Variants in MGAT4C observed in about 807,000 individuals in gnomAD.
The protein encoded by MGAT4C is alpha-1,3-mannosyl-glycoprotein 4-beta-N-acetylglucosaminyltransferase C.
In MGAT4C, 19 loss-of-function variants were observed where a neutral mutation model predicts 40.1. That is an observed-to-expected ratio of 0.47 (90% CI 0.33 to 0.70). MGAT4C has a LOEUF of 0.70. MGAT4C is among the 30% of genes least tolerant of loss of function. The pLI, the probability that MGAT4C is intolerant of heterozygous loss-of-function variation, is 0.02. For synonymous variants in MGAT4C, 181 were observed against 187.1 expected (o/e 0.97, Z 0.27); for missense variants, 491 against 563.2 (o/e 0.87, Z 1.30).
intron 2 of MGAT4C, among the ~76,000 whole-genome samples, chr12:86,571,131 C>T (rs1960348445): frequency 2.0e-5 from 3 of 152,040 alleles, no homozygotes; most frequent in Non-Finnish European, 2.9e-5. Context: ...TAACTTTAAT[C>T]ACTCTTTCTT....
chr12:86,099,892 T>C (rs1874656165), intron 1 of MGAT4C, among the ~76,000 whole-genome samples: 1 of 151,488 alleles, frequency 6.6e-6, no homozygotes. Flanking sequence ...GATGTGTTCT[T>C]AATCTGATTT....
intron 1 of MGAT4C, among the ~76,000 whole-genome samples, chr12:86,232,223 ATTAT>A (rs1951353845): frequency 6.6e-6 from 1 of 152,172 alleles, no homozygotes; most frequent in Admixed American, 6.5e-5. Context: ...TCCCATTTTG[ATTAT>A]TTATGTGTAT....
intron 1 of MGAT4C, among the ~76,000 whole-genome samples, chr12:86,052,707 T>C (rs1215235724): frequency 6.6e-6 from 1 of 151,954 alleles, no homozygotes; most frequent in Non-Finnish European, 1.5e-5. Flanking sequence ...TTAAATCATG[T>C]ATTATTTTCC....
intron 2 of MGAT4C, among the ~76,000 whole-genome samples, chr12:86,568,261 G>A (rs1353469055): frequency 6.6e-6 from 1 of 152,078 alleles, no homozygotes; most frequent in Non-Finnish European, 1.5e-5. Flanking sequence ...AGCAGGTAGA[G>A]GAAGGTGGAA....
At chr12:86,180,426 A>C (rs1327792535) in intron 1 of MGAT4C, among the ~76,000 whole-genome samples, 2 of 152,108 alleles carry the variant, frequency 1.3e-5, no homozygotes, top group Non-Finnish European at 2.9e-5. Context: ...TATCCTTCAG[A>C]CCCTAGAGTG....
intron 1 of MGAT4C, among the ~76,000 whole-genome samples, chr12:86,129,497 G>A (rs1880846098): frequency 6.6e-6 from 1 of 151,140 alleles, no homozygotes; most frequent in African/African-American, 2.4e-5. Context: ...TCTTCCTCAC[G>A]GGGAACTGGG....
At chr12:86,442,396 GT>G (rs1957248872) in intron 2 of MGAT4C, among the ~76,000 whole-genome samples, 2 of 152,248 alleles carry the variant, frequency 1.3e-5, no homozygotes, top group East Asian at 1.9e-4. Flanking sequence ...CGCTTTTGGT[GT>G]TTTAGACATG....
At chr12:86,352,896 T>C (rs977367548) in intron 3 of MGAT4C, among the ~76,000 whole-genome samples, 2 of 151,724 alleles carry the variant, frequency 1.3e-5, no homozygotes, top group African/African-American at 4.8e-5. Flanking sequence ...AGGGGTAGCA[T>C]TAGGAGATAT....
chr12:86,603,152 G>A (rs1051673013), intron 2 of MGAT4C, among the ~76,000 whole-genome samples: 2 of 148,376 alleles, frequency 1.3e-5, no homozygotes, highest in South Asian at 2.1e-4. Flanking sequence ...AGTTTTAATC[G>A]GGCAGGATGA....
intron 3 of MGAT4C, among the ~76,000 whole-genome samples, chr12:86,391,637 T>A (rs1956161793): frequency 6.6e-6 from 1 of 152,096 alleles, no homozygotes; most frequent in South Asian, 2.1e-4. Context: ...GGCGGGCGGA[T>A]AACCAGGTCA....
At chr12:86,323,807 AT>A (rs1184327990) in intron 4 of MGAT4C, among the ~76,000 whole-genome samples, 1 of 151,918 alleles carries the variant, frequency 6.6e-6, no homozygotes, top group African/African-American at 2.4e-5. Context: ...GACAATTCCT[AT>A]TATCGCAATT....
At chr12:86,282,631 G>T (rs1953248866) in intron 4 of MGAT4C, among the ~76,000 whole-genome samples, 1 of 151,766 alleles carries the variant, frequency 6.6e-6, no homozygotes, top group Admixed American at 6.6e-5. Flanking sequence ...ATTACATATT[G>T]TGGATATTAT....
At chr12:86,723,650 A>G (rs1405716827) in intron 2 of MGAT4C, among the ~76,000 whole-genome samples, 2 of 152,184 alleles carry the variant, frequency 1.3e-5, no homozygotes, top group Non-Finnish European at 2.9e-5. Flanking sequence ...CTGTAAAGGC[A>G]CTATTTCCAA....
intron 2 of MGAT4C, among the ~76,000 whole-genome samples, chr12:86,459,989 G>T (rs1957573236): frequency 6.6e-6 from 1 of 151,768 alleles, no homozygotes; most frequent in Non-Finnish European, 1.5e-5. Flanking sequence ...ATAGTATTCA[G>T]ACATCTTTAG....
At chr12:86,762,899 C>T (rs1853481624) in intron 1 of MGAT4C, among the ~76,000 whole-genome samples, 1 of 152,184 alleles carries the variant, frequency 6.6e-6, no homozygotes, top group South Asian at 2.1e-4. Flanking sequence ...ATACAAGAAA[C>T]TCTAGTCTAC....
chr12:86,628,076 G>A (rs1317711179), intron 2 of MGAT4C, among the ~76,000 whole-genome samples: 1 of 152,188 alleles, frequency 6.6e-6, no homozygotes, highest in African/African-American at 2.4e-5. Context: ...TGAAAACCAT[G>A]GCAGGAGAAC....
intron 2 of MGAT4C, among the ~76,000 whole-genome samples, chr12:86,677,169 T>C (rs914632452): frequency 6.6e-6 from 1 of 152,150 alleles, no homozygotes; most frequent in Non-Finnish European, 1.5e-5. Flanking sequence ...TAATTTATTA[T>C]TTGAGAAACC....
At chr12:86,668,739 A>G (rs760113175) in intron 2 of MGAT4C, among the ~76,000 whole-genome samples, 1 of 152,194 alleles carries the variant, frequency 6.6e-6, no homozygotes, top group Non-Finnish European at 1.5e-5. Flanking sequence ...CTCCCGTCAC[A>G]AGCCTGGAGC....
intron 2 of MGAT4C, among the ~76,000 whole-genome samples, chr12:86,041,925 C>A (rs1891895365): frequency 6.6e-6 from 1 of 152,120 alleles, no homozygotes; most frequent in African/African-American, 2.4e-5. Context: ...GAACCCTCCT[C>A]CTGTTATTGT....
Sources: allele counts gnomAD v4.1 joint callset (sites outside exome capture counted in the v4.1 genomes callset), GRCh38; gene constraint gnomAD v4.1.1; transcripts MANE v1.5; gene names NCBI Gene and HGNC (gene_info 2026-07-23, HGNC 2026-07-21).